The following FAM90A1 variants were observed in gnomAD, a reference collection of about 807,000 sequenced individuals.
The protein encoded by FAM90A1 is protein FAM90A1.
A neutral mutation model predicts 14.8 loss-of-function variants in FAM90A1; 10 were observed. The ratio of observed to expected loss-of-function variants is 0.67; its 90% CI spans 0.42 to 1.14. FAM90A1 has a LOEUF of 1.14. Ranked by LOEUF, FAM90A1 falls within the 50% of genes most tolerant of loss-of-function variation. The probability of loss-of-function intolerance (pLI) is 0.00; values close to 1 mark genes in which losing one functional copy is unlikely to be tolerated. For missense variants in FAM90A1, 567 were observed against 602.8 expected, an observed-to-expected ratio of 0.94 and a Z score of 0.62; for synonymous variants, 236 against 248.4, an observed-to-expected ratio of 0.95 and a Z score of 0.47.
chr12:8,224,198 A>C lies in FAM90A1; in HGVS notation c.141T>G (p.Cys47Trp). Residue 47 changes from cysteine to tryptophan, a missense_variant, in exon 5 of 7, where the codon TGT becomes TGG. Cys to Trp is a radical substitution (Grantham distance 215). Coordinates refer to ENST00000538603, the MANE Select transcript of FAM90A1 (RefSeq NM_018088.3). ...TTCTGGCCGTGTGGCCAAAGGCCTC[A>C]CAGTTTTTGCACTTGAGCTGTGGGT... ...EEDPRLKCKN[C>W]EAFGHTARST... The C allele has an allele frequency of 6.2e-7, 1 of 1,611,990 alleles. No homozygotes were observed.
At chr12:8,225,262 G>A (rs1948919995) in intron 3 of FAM90A1, among the ~76,000 whole-genome samples, 1 of 152,252 alleles carries the variant, frequency 6.6e-6, no homozygotes, top group Non-Finnish European at 1.5e-5. Context: ...CACAGGGCAT[G>A]GCGTGTGTCA....
At chr12:8,226,930 C>T (rs1250946690) in intron 1 of FAM90A1, among the ~76,000 whole-genome samples, 4 of 151,234 alleles carry the variant, frequency 2.6e-5, no homozygotes, top group Non-Finnish European at 4.4e-5. Flanking sequence ...CTCAGCCTCC[C>T]GAGTAGCTGG....
Position 8,222,563 on chromosome 12 carries a change from C to T in FAM90A1, c.654G>A (p.Gln218=), listed in dbSNP as rs1425973563. The T allele has an allele frequency of 6.2e-7, 1 of 1,611,934 alleles. No individual in the cohort carries two copies. The highest frequency in any genetic ancestry group is 1.3e-5 in the African/African-American group (1 of 74,860). The change falls in exon 7 of 7, where the codon CAG becomes CAA. Residue 218 remains glutamine (Q), a synonymous_variant. Transcript: ENST00000538603. The stretch of plus-strand genomic sequence containing the variant: ...TCACCACGAGGAGAGGCTCGGGGCC[C>T]TGGTGCCTGACTGCAGTCTGAGGGA... ...ADIPQTAVRH[Q]GPEPLLVVKP...
chr12:8,226,742 T>C (rs1365855507), intron 1 of FAM90A1, among the ~76,000 whole-genome samples: 1 of 151,382 alleles, frequency 6.6e-6, no homozygotes, highest in Non-Finnish European at 1.5e-5. Flanking sequence ...CATACCAAGC[T>C]TTCTAATTTT....
At position 8,221,613 on chromosome 12, in the gene FAM90A1, A is replaced by C; in HGVS notation, c.*209T>G. ...GGCGCGTTTCCAGAGAACCATGCGA[A>C]CTACAATGTCCCTCACCAGAATTCA... On this transcript the variant is annotated 3_prime_UTR_variant, in exon 7 of 7. Transcript: ENST00000538603. The C allele has an allele frequency of 1.6e-6, 1 of 634,338 alleles. No individual in the cohort carries two copies. The highest frequency in any genetic ancestry group is 2.7e-6 in the Non-Finnish European group (1 of 369,340). The allele number at this position is 634,338 out of a possible 1,614,324, so 39.3% of individuals were successfully genotyped here.
chr12:8,226,743 T>C (rs1405427327), intron 1 of FAM90A1, among the ~76,000 whole-genome samples: 1 of 151,906 alleles, frequency 6.6e-6, no homozygotes, highest in Non-Finnish European at 1.5e-5. Context: ...ATACCAAGCT[T>C]TCTAATTTTT....
At position 8,222,797 on chromosome 12, in the gene FAM90A1, A is replaced by T; in HGVS notation, c.433-13T>A. ...GCCCGCTTGCAACCTGAAAGAGAGG[A>T]AACAACACAGGTTAGAAGTTCCTCA... is the stretch of plus-strand genomic sequence containing the variant. On this transcript the variant is annotated splice_polypyrimidine_tract_variant and intron_variant, in intron 6 of 6. Transcript: ENST00000538603. 3.2e-6 allele frequency: 5 copies of T among 1,584,570 alleles called. No individual in the cohort carries two copies. Among genetic ancestry groups the T allele is most frequent in the Non-Finnish European group, 4.3e-6 (5 of 1,172,628 alleles).
At chr12:8,223,643 G>C (rs376858090) in intron 5 of FAM90A1, 86 bp from the exon 6 acceptor site, 4 of 849,218 alleles carry the variant, frequency 4.7e-6, no homozygotes, top group Non-Finnish European at 8.2e-6. Context: ...GTCCCATTCC[G>C]TGTTTTGTGA....
In FAM90A1 at chr12:8,222,286, C is replaced by A. The variant is rs1591637319; in HGVS notation, c.931G>T (p.Gly311Cys). ...GCGCTTTCGGGGATCTGGAAGGGAC[C>A]CAGTCTCGGTTTCTTGGGGAAGTTC... ...CLNFPKKPRLGPFQIPESAIQ... is the reference protein window; with the variant it reads ...CLNFPKKPRLCPFQIPESAIQ... Residue 311 changes from glycine (G) to cysteine (C), a missense_variant, in exon 7 of 7, where the codon GGT (glycine) becomes TGT (cysteine). Gly to Cys is a radical substitution (Grantham distance 159, BLOSUM62 -3). Coordinates refer to ENST00000538603, the MANE Select transcript of FAM90A1 (RefSeq NM_018088.3). The A allele has an allele frequency of 1.2e-6, 2 of 1,611,334 alleles. No individual in the cohort carries two copies. Among genetic ancestry groups the A allele is most frequent in the Admixed American group, 1.7e-5 (1 of 60,016 alleles).
chr12:8,223,080 A>G (rs973598002), intron 6 of FAM90A1, among the ~76,000 whole-genome samples: 3 of 152,230 alleles, frequency 2.0e-5, no homozygotes, highest in Non-Finnish European at 4.4e-5. Context: ...AGTGGAACCG[A>G]CTGATGCCCT....
Position 8,221,564 on chromosome 12 carries a change from A to G in FAM90A1, c.*258T>C. On this transcript the variant is annotated 3_prime_UTR_variant, in exon 7 of 7. Transcript: ENST00000538603. ...CGTCATGCAGTTTCTGAGGCAACGA[A>G]TCACTGGCACGGAAGCTTTTCCTGG... The G allele has an allele frequency of 1.8e-6, 1 of 559,410 alleles. No individual in the cohort carries two copies. The allele number at this position is 559,410 out of a possible 1,614,324, so 34.7% of individuals were successfully genotyped here.
At chr12:8,222,844 C>G in intron 6 of FAM90A1, 60 bp from the exon 7 acceptor site, 1 of 1,529,644 alleles carries the variant, frequency 6.5e-7, no homozygotes, top group South Asian at 1.2e-5. Context: ...ACATGAAAAT[C>G]AACCACATCC....
intron 3 of FAM90A1, among the ~76,000 whole-genome samples, chr12:8,225,143 A>C (rs1015413815): frequency 1.3e-5 from 2 of 152,252 alleles, no homozygotes; most frequent in African/African-American, 4.8e-5. Context: ...TTGAGCTTTC[A>C]ACCCCAAACT....
chr12:8,224,858 C>T lies in FAM90A1; in HGVS notation c.-26G>A, dbSNP rs771000297. 1.7e-4 allele frequency: 275 copies of T among 1,605,444 alleles called. 1 individual carries two copies. The South Asian group carries it at 2.0e-3, about 11-fold the overall frequency. On this transcript the variant is annotated 5_prime_UTR_variant, in exon 4 of 7. Transcript: ENST00000538603. ...CTTCGTCTCCTGGGGGTTTTATGAC[C>T]GCCTTTTTCAGGGGTTGATTGTCGG...
Position 8,222,473 on chromosome 12 carries a change from G to C in FAM90A1, c.744C>G (p.His248Gln). 3 of 1,604,584 alleles carry C rather than the reference G, an allele frequency of 1.9e-6. No homozygotes were observed. The highest frequency in any genetic ancestry group is 2.6e-6 in the Non-Finnish European group (3 of 1,174,288). ...REVPQAASKT[H>Q]GLLQAVSPQA... is the part of the protein sequence containing the mutation. Reference sequence around the variant, plus strand: ...GGGGGCTGACGGCCTGGAGCAGGCCGTGGGTTTTGGAGGCAGCCTGGGGAA... The same window carrying C: ...GGGGGCTGACGGCCTGGAGCAGGCCCTGGGTTTTGGAGGCAGCCTGGGGAA... Residue 248 changes from histidine to glutamine, a missense_variant, in exon 7 of 7, where the codon CAC (histidine) becomes CAG (glutamine). Transcript: ENST00000538603.
intron 1 of FAM90A1, among the ~76,000 whole-genome samples, chr12:8,226,887 C>A (rs1452845310): frequency 4.1e-5 from 6 of 145,486 alleles, no homozygotes; most frequent in Non-Finnish European, 6.0e-5. Flanking sequence ...CTCACTGCAA[C>A]CTCCGCGTCT....
chr12:8,221,994 A>C lies in FAM90A1; in HGVS notation c.1223T>G (p.Leu408Arg), dbSNP rs747118222. 1.9e-6 allele frequency: 3 copies of C among 1,598,126 alleles called. No homozygotes were observed. The African/African-American group carries it at 4.0e-5, about 21-fold the overall frequency. Residue 408 changes from leucine to arginine, a missense_variant, in exon 7 of 7, where the codon CTG becomes CGG. Coordinates refer to ENST00000538603, the MANE Select transcript of FAM90A1 (RefSeq NM_018088.3). ...RLENGRWSSS[L>R]LTAPSFHSPE... ...AGAGTGAAATGAGGGGGCCGTCAGC[A>C]GGCTGGAGCTCCAGCGTCCGTTTTC...
At position 8,223,510 on chromosome 12, in the gene FAM90A1, T is replaced by C. The variant is rs1948877140; in HGVS notation, c.371A>G (p.Lys124Arg). The part of the protein sequence containing the change: ...RKALLHIFSR[K>R]PPEKPLPNQK... ...ATTTGGCAGCGGCTTCTCTGGAGGT[T>C]TCCTGGAAAATATGTGGAGGAGAGC... The change falls in exon 6 of 7, where the codon AAA becomes AGA. Residue 124 changes from lysine (K) to arginine (R), a missense_variant. Transcript: ENST00000538603. 1 of 1,608,720 alleles carries C rather than the reference T, an allele frequency of 6.2e-7. No homozygotes were observed. Among genetic ancestry groups the C allele is most frequent in the African/African-American group, 1.3e-5 (1 of 74,972 alleles).
chr12:8,224,088 G>C lies in FAM90A1; in HGVS notation c.251C>G (p.Pro84Arg). ...GTTCGCTTCAACCTGGGGCTTCCAT[G>C]GTTTCAGGTTTTCCTTCCCTTCCTT... ...GEKEGKENLK[P>R]WKPQVEANPG... The change falls in exon 5 of 7, where the codon CCA (proline) becomes CGA (arginine). Residue 84 changes from proline to arginine, a missense_variant. Pro to Arg is a moderately radical substitution (Grantham distance 103). Coordinates refer to ENST00000538603, the MANE Select transcript of FAM90A1 (RefSeq NM_018088.3). The C allele has an allele frequency of 6.2e-7, 1 of 1,612,066 alleles. No homozygotes were observed. Among genetic ancestry groups the C allele is most frequent in the Non-Finnish European group, 8.5e-7 (1 of 1,179,858 alleles).
Sources: allele counts gnomAD v4.1 joint callset (sites outside exome capture counted in the v4.1 genomes callset), GRCh38; gene constraint gnomAD v4.1.1; transcripts MANE v1.5; gene names NCBI Gene and HGNC (gene_info 2026-07-23, HGNC 2026-07-21).